R3HDM2: variants seen among roughly 807,000 people sequenced by gnomAD.
The protein encoded by R3HDM2 is R3H domain containing 2.
R3HDM2 carries 38 observed loss-of-function variants against 124.5 expected under a neutral mutation model. The observed-to-expected ratio is 0.31, with a 90% CI of 0.24 to 0.40. R3HDM2 has a LOEUF of 0.40. R3HDM2 is among the 10% of genes least tolerant of loss of function. R3HDM2 has a pLI of 1.00. For synonymous variants in R3HDM2, 391 were observed against 448.0 expected, an observed-to-expected ratio of 0.87 and a Z score of 1.61; for missense variants, 869 against 1,236.9, an observed-to-expected ratio of 0.70 and a Z score of 4.46.
chr12:57,350,532 G>T (rs543787686), intron 2 of R3HDM2, among the ~76,000 whole-genome samples: 47 of 152,266 alleles, frequency 3.1e-4, no homozygotes, highest in Non-Finnish European at 6.0e-4. Context: ...TACTTGGGAG[G>T]CTGAGACGGG....
intron 19 of R3HDM2, among the ~76,000 whole-genome samples, chr12:57,260,717 C>G (rs534130023): frequency 6.6e-6 from 1 of 152,266 alleles, no homozygotes; most frequent in African/African-American, 2.4e-5. Context: ...AAACCTGCTG[C>G]AATGCTGCTG....
rs747890647 is a variant in R3HDM2 at position 57,269,378 on chromosome 12, C to T, written c.1659G>A (p.Pro553=). 1.3e-5 allele frequency: 21 copies of T among 1,613,852 alleles called. No homozygotes were observed. Among genetic ancestry groups the T allele is most frequent in the Admixed American group, 5.0e-5 (3 of 59,990 alleles). The change falls in exon 16 of 24, where the codon CCG becomes CCA. Residue 553 remains proline (P), a synonymous_variant. Coordinates refer to ENST00000402412, the MANE Select transcript of R3HDM2 (RefSeq NM_001394031.1). Reference sequence around the variant, plus strand: ...GACCACGTTGGGGGCTATAGGCCACCGGGTGAGAGAGAGGTCGATATTGCT... The same window carrying T: ...GACCACGTTGGGGGCTATAGGCCACTGGGTGAGAGAGAGGTCGATATTGCT... ...SNQQYRPLSH[P]VAYSPQRGQQ... is the part of the protein sequence containing the mutation.
At chr12:57,427,785 T>C (rs993968595) in intron 1 of R3HDM2, among the ~76,000 whole-genome samples, 1 of 151,896 alleles carries the variant, frequency 6.6e-6, no homozygotes, top group Non-Finnish European at 1.5e-5. Flanking sequence ...GCCATCCAGA[T>C]AGCCAAGGGA....
intron 14 of R3HDM2, among the ~76,000 whole-genome samples, chr12:57,277,461 CAG>C (rs1354248830): frequency 2.0e-5 from 3 of 148,590 alleles, no homozygotes; most frequent in African/African-American, 7.5e-5. Flanking sequence ...TTTTTTTAGA[CAG>C]AGTCTTGCTG....
In R3HDM2 at chr12:57,383,420, C is replaced by T. The variant is rs114031662; in HGVS notation, c.-36+12329G>A. On this transcript the variant is annotated intron_variant, in intron 2 of 23. Coordinates refer to ENST00000402412, the MANE Select transcript of R3HDM2 (RefSeq NM_001394031.1). Reference sequence around the variant, plus strand: ...CTGGAAGAATTAATAATAATGTGATCGGCAGGGCGCTGTGGCTAATGCCTG... The same window carrying T: ...CTGGAAGAATTAATAATAATGTGATTGGCAGGGCGCTGTGGCTAATGCCTG... Among the ~76,000 whole-genome samples the T allele has an allele frequency of 2.0e-3, 304 of 152,008 alleles. 2 individuals carry two copies. The highest frequency in any genetic ancestry group is 6.9e-3 in the African/African-American group (285 of 41,496).
At chr12:57,363,615 G>A (rs537459582) in intron 2 of R3HDM2, among the ~76,000 whole-genome samples, 15 of 152,112 alleles carry the variant, frequency 9.9e-5, no homozygotes, top group South Asian at 4.1e-4. Flanking sequence ...AATTTGAGAT[G>A]GATATGCTAA....
At chr12:57,274,958 A>C (rs1021718419) in intron 14 of R3HDM2, among the ~76,000 whole-genome samples, 3 of 149,490 alleles carry the variant, frequency 2.0e-5, no homozygotes, top group African/African-American at 7.3e-5. Flanking sequence ...GCAGAATTAC[A>C]AAAAAAAAAT....
intron 2 of R3HDM2, among the ~76,000 whole-genome samples, chr12:57,325,789 C>T (rs1465791465): frequency 1.3e-5 from 2 of 151,822 alleles, no homozygotes; most frequent in Admixed American, 1.3e-4. Flanking sequence ...AGCAATCCTG[C>T]CACCTCAGCC....
At chr12:57,407,414 TTTC>T (rs1484590347) in intron 1 of R3HDM2, among the ~76,000 whole-genome samples, 3 of 152,122 alleles carry the variant, frequency 2.0e-5, no homozygotes, top group Non-Finnish European at 4.4e-5. Context: ...TTTTTCTTTT[TTTC>T]TTTTTTGAGA....
chr12:57,399,797 A>C (rs1416619279), intron 1 of R3HDM2, among the ~76,000 whole-genome samples: 2 of 152,176 alleles, frequency 1.3e-5, no homozygotes, highest in Non-Finnish European at 2.9e-5. Flanking sequence ...GAAAGTTTTT[A>C]AAGTAAGCTA....
chr12:57,253,954 G>T lies in R3HDM2; in HGVS notation c.*819C>A, dbSNP rs1487709693. On this transcript the variant is annotated 3_prime_UTR_variant, in exon 24 of 24. Coordinates refer to ENST00000402412, the MANE Select transcript of R3HDM2 (RefSeq NM_001394031.1). The stretch of plus-strand genomic sequence containing the variant: ...CAAACAAACAATATACAAGTGTTCT[G>T]GGGGGGCCAGGGGAATCCCAAGTTT... 2 of 341,366 alleles carry T rather than the reference G, an allele frequency of 5.9e-6. No homozygotes were observed. The allele number at this position is 341,366 out of a possible 1,614,324, so 21.1% of individuals were successfully genotyped here. A position where few individuals can be genotyped will look rare whatever the true frequency, so the allele number is the denominator to read the frequency against.
chr12:57,365,176 A>G (rs1037536288), intron 2 of R3HDM2, among the ~76,000 whole-genome samples: 1 of 151,258 alleles, frequency 6.6e-6, no homozygotes, highest in Non-Finnish European at 1.5e-5. Context: ...AGACAGGAGA[A>G]TCGCTTGAAC....
chr12:57,410,774 G>T (rs1271089267), intron 1 of R3HDM2, among the ~76,000 whole-genome samples: 1 of 152,172 alleles, frequency 6.6e-6, no homozygotes, highest in East Asian at 1.9e-4. Flanking sequence ...GATCGCTTGA[G>T]CCACAGAGGT....
At chr12:57,328,618 GC>G (rs2057669766) in intron 2 of R3HDM2, among the ~76,000 whole-genome samples, 1 of 152,158 alleles carries the variant, frequency 6.6e-6, no homozygotes, top group African/African-American at 2.4e-5. Context: ...GTGTCCCACA[GC>G]CTTGAATTCC....
intron 2 of R3HDM2, among the ~76,000 whole-genome samples, chr12:57,358,168 G>C (rs1326446270): frequency 6.7e-6 from 1 of 150,184 alleles, no homozygotes; most frequent in Non-Finnish European, 1.5e-5. Context: ...TCTATTTTTA[G>C]TAGATATGGG....
chr12:57,315,154 C>T (rs926650676), intron 2 of R3HDM2, among the ~76,000 whole-genome samples: 2 of 152,102 alleles, frequency 1.3e-5, no homozygotes, highest in African/African-American at 4.8e-5. Context: ...TCTTCTGCCT[C>T]ACCCTCCCAA....
intron 2 of R3HDM2, among the ~76,000 whole-genome samples, chr12:57,350,831 T>A (rs1429760022): frequency 6.6e-6 from 1 of 152,026 alleles, no homozygotes; most frequent in African/African-American, 2.4e-5. Context: ...CCAGGTGCAG[T>A]GGTTCACGCC....
upstream of R3HDM2, chr12:57,431,063 A>C (rs1002865854): frequency 6.6e-6 from 1 of 152,176 alleles, no homozygotes; most frequent in African/African-American, 2.4e-5. Flanking sequence ...CGTTGTCGTC[A>C]CCTCGTCCTG....
chr12:57,377,531 C>G (rs563460073), intron 2 of R3HDM2, among the ~76,000 whole-genome samples: 5 of 152,186 alleles, frequency 3.3e-5, no homozygotes, highest in African/African-American at 1.2e-4. Context: ...CAGAATCTAC[C>G]CGCTAAACCT....
Sources: allele counts gnomAD v4.1 joint callset (sites outside exome capture counted in the v4.1 genomes callset), GRCh38; gene constraint gnomAD v4.1.1; transcripts MANE v1.5; gene names NCBI Gene and HGNC (gene_info 2026-07-23, HGNC 2026-07-21).